Variants in ZC3H7A observed in about 807,000 individuals in gnomAD.
ZC3H7A encodes the protein zinc finger CCCH-type containing 7A, also known as zinc finger CCCH domain-containing protein 7A.
Under a neutral mutation model 125.5 loss-of-function variants are expected in ZC3H7A, and 44 were observed. The ratio of observed to expected loss-of-function variants is 0.35; its 90% CI spans 0.28 to 0.45. ZC3H7A has a LOEUF of 0.45. ZC3H7A is among the 20% of genes least tolerant of loss of function. ZC3H7A has a pLI of 1.00. For synonymous variants in ZC3H7A, 399 were observed against 391.2 expected, an observed-to-expected ratio of 1.02 and a Z score of -0.23; for missense variants, 977 against 1,170.7, an observed-to-expected ratio of 0.83 and a Z score of 2.41.
rs574060624 is a variant in ZC3H7A, at chr16:11,752,483, A to C, written c.2726+186T>G. On this transcript the variant is annotated intron_variant, in intron 22 of 22. Transcript: ENST00000355758. The stretch of plus-strand genomic sequence containing the variant: ...ATTAAATCTTTTCATATAACCTAAG[A>C]AGAGTGAAAGGAATGGTTTGATGAG... 7.9e-5 allele frequency among the ~76,000 whole-genome samples: 12 copies of C among 152,358 alleles called. No homozygotes were observed. The South Asian group carries it at 2.5e-3, about 32-fold the overall frequency.
rs34038330 is a variant in ZC3H7A, at chr16:11,768,520, G to GAA, written c.1174-21_1174-20dup. 92,711 of 1,112,524 alleles carry GAA rather than the reference G, an allele frequency of 0.083. 387 individuals carry two copies. The highest frequency in any genetic ancestry group is 0.16 in the African/African-American group (9,608 of 58,852). 68.9% of individuals were successfully genotyped at this position (1,112,524 alleles called of 1,614,324 possible). ...CATTCATCTGCAAGAAAAATAAGAA[G>GAA]AAAAAAAAAAAAAACAGCCAACAAA... is the stretch of plus-strand genomic sequence containing the variant. On this transcript the variant is annotated intron_variant, in intron 11 of 22. Coordinates refer to ENST00000355758, the MANE Select transcript of ZC3H7A (RefSeq NM_014153.4).
At chr16:11,759,867 C>T (rs2052713394) in intron 19 of ZC3H7A, 1 of 150,522 alleles carries the variant, frequency 6.6e-6, no homozygotes, top group Admixed American at 6.6e-5. Flanking sequence ...AATCCCAACA[C>T]TTTGGGAGGC....
rs775647172 is a variant in ZC3H7A, at chr16:11,770,991, C to T, written c.904-4G>A. On this transcript the variant is annotated splice_region_variant and splice_polypyrimidine_tract_variant and intron_variant, in intron 9 of 22. Transcript: ENST00000355758. ...GTCCTCTGACTAAAGCTGACGGCTG[C>T]GGAAGAAAAAAAGATGTGATTAAAA... The T allele has an allele frequency of 6.3e-6, 10 of 1,581,660 alleles. No homozygotes were observed. Among genetic ancestry groups the T allele is most frequent in the East Asian group, 2.3e-5 (1 of 44,406 alleles).
intron 1 of ZC3H7A, among the ~76,000 whole-genome samples, chr16:11,788,166 C>A (rs1596405047): frequency 1.3e-5 from 2 of 152,116 alleles, no homozygotes; most frequent in African/African-American, 4.8e-5. Context: ...CTCCCAGGGG[C>A]CCCTCCCTTC....
chr16:11,751,895 T>G (rs2052558131), intron 22 of ZC3H7A, among the ~76,000 whole-genome samples: 1 of 147,992 alleles, frequency 6.8e-6, no homozygotes, highest in Non-Finnish European at 1.5e-5. Context: ...AGTTTTTCAC[T>G]GAAAAACCTT....
Position 11,765,784 on chromosome 16 carries a change from GA to G in ZC3H7A, c.1523-100del. The G allele has an allele frequency of 3.3e-6, 4 of 1,215,382 alleles. No homozygotes were observed. The highest frequency in any genetic ancestry group is 4.5e-6 in the Non-Finnish European group (4 of 880,080). The allele number at this position is 1,215,382 out of a possible 1,614,324, so 75.3% of individuals were successfully genotyped here. A position where few individuals can be genotyped will look rare whatever the true frequency, so the allele number is the denominator to read the frequency against. ...AGGTGGGAGGATCCCTTGAGCCCAG[GA>G]GTTCAAGGCTGCGGTGAGCAATGAT... On this transcript the variant is annotated intron_variant, in intron 13 of 22. Coordinates refer to ENST00000355758, the MANE Select transcript of ZC3H7A (RefSeq NM_014153.4). This position sits in a 1 kb window ranked among gnomAD's most constrained non-coding sequence, Gnocchi z 4.8.
In ZC3H7A at chr16:11,769,784, C is replaced by CTTTTTTTTT. The variant is rs200241879; in HGVS notation, c.1109-698_1109-690dup. Among the ~76,000 whole-genome samples, 105 of 61,614 alleles carry CTTTTTTTTT rather than the reference C, an allele frequency of 1.7e-3. 15 individuals carry two copies. The highest frequency in any genetic ancestry group is 4.7e-3 in the African/African-American group (48 of 10,270). The allele number at this position is 61,614 out of a possible 152,430, so 40.4% of individuals were successfully genotyped here. On this transcript the variant is annotated intron_variant, in intron 10 of 22. Coordinates refer to ENST00000355758, the MANE Select transcript of ZC3H7A (RefSeq NM_014153.4). ...AATCAGTAAAGTTTTCAATTGCTTT[C>CTTTTTTTTT]TTTTTTTTTTTTTTTTTTTTTTTGA...
In ZC3H7A at chr16:11,758,520, G is replaced by A; in HGVS notation, c.2339C>T (p.Ser780Phe). Reference sequence around the variant, plus strand: ...TCCAACATATTGACATTTTTTCCCAGAAGCAATATGGTTGCACAGCTGTAT... The same window carrying A: ...TCCAACATATTGACATTTTTTCCCAAAAGCAATATGGTTGCACAGCTGTAT... ...LQFDLCNHIA[S>F]GKKCQYVGNC... The change falls in exon 20 of 23, where the codon TCT becomes TTT. Residue 780 changes from serine (S) to phenylalanine (F), a missense_variant. Coordinates refer to ENST00000355758, the MANE Select transcript of ZC3H7A (RefSeq NM_014153.4). The A allele has an allele frequency of 6.2e-7, 1 of 1,613,258 alleles. No individual in the cohort carries two copies. The highest frequency in any genetic ancestry group is 8.5e-7 in the Non-Finnish European group (1 of 1,179,464).
intron 4 of ZC3H7A, among the ~76,000 whole-genome samples, chr16:11,778,758 G>C (rs1232481289): frequency 6.6e-6 from 1 of 152,022 alleles, no homozygotes; most frequent in Non-Finnish European, 1.5e-5. Context: ...CTGTCGCCCA[G>C]GCTGGAGTGC....
chr16:11,776,699 T>C, intron 5 of ZC3H7A, 52 bp downstream of exon 5: 1 of 1,550,636 alleles, frequency 6.4e-7, no homozygotes, highest in South Asian at 1.2e-5. Flanking sequence ...AAATGCCATT[T>C]ATTATGATGT....
intron 13 of ZC3H7A, 137 bp downstream of exon 13, chr16:11,767,280 C>G: frequency 1.4e-6 from 1 of 709,282 alleles, no homozygotes. Context: ...GTCGGCTACA[C>G]CATCGAGGTT....
intron 9 of ZC3H7A, 53 bp downstream of exon 9, chr16:11,774,183 T>C: frequency 7.0e-7 from 1 of 1,438,730 alleles, no homozygotes; most frequent in South Asian, 1.7e-5. Flanking sequence ...TATTACAATT[T>C]TTAAAAAGTT....
rs552330882 is a variant in ZC3H7A at position 11,781,085 on chromosome 16, A to G, written c.108+340T>C. ...CAGGGCAACTGTGCAAGTATGCAAA[A>G]AAAGAAAAAGAAAAAGAAAAAAAAA... On this transcript the variant is annotated intron_variant, in intron 3 of 22. Coordinates refer to ENST00000355758, the MANE Select transcript of ZC3H7A (RefSeq NM_014153.4). Among the ~76,000 whole-genome samples, 32 of 152,280 alleles carry G rather than the reference A, an allele frequency of 2.1e-4. No individual in the cohort carries two copies. In the South Asian group the frequency reaches 4.1e-3, roughly 20 times the overall value.
At chr16:11,763,809 C>CTT (rs561899308) in intron 15 of ZC3H7A, 150 bp from the exon 16 acceptor site, 12 of 164,156 alleles carry the variant, frequency 7.3e-5, no homozygotes, top group South Asian at 2.0e-4. Context: ...TTTTTTTTCT[C>CTT]TTTTTTTTTT....
chr16:11,762,432 C>T (rs777375953), intron 17 of ZC3H7A, among the ~76,000 whole-genome samples: 5 of 152,056 alleles, frequency 3.3e-5, no homozygotes, highest in Non-Finnish European at 7.4e-5. Flanking sequence ...GTTGTTTTGT[C>T]AATTAAACTA....
intron 21 of ZC3H7A, 170 bp from the exon 22 acceptor site, chr16:11,753,002 AGAG>A: frequency 1.4e-6 from 1 of 710,472 alleles, no homozygotes; most frequent in African/African-American, 1.8e-5. Flanking sequence ...CTCAGGACAC[AGAG>A]AAGAAGGGTG....
chr16:11,795,105 T>C (rs2053415849), intron 1 of ZC3H7A, among the ~76,000 whole-genome samples: 2 of 152,186 alleles, frequency 1.3e-5, no homozygotes, highest in African/African-American at 4.8e-5. Flanking sequence ...TACAACTATT[T>C]GTAGCCTCCA....
intron 21 of ZC3H7A, among the ~76,000 whole-genome samples, chr16:11,754,893 C>CAAAA (rs35345665): frequency 8.3e-4 from 57 of 68,814 alleles, no homozygotes; most frequent in East Asian, 1.2e-3. Flanking sequence ...CTCCGTCTCA[C>CAAAA]AAAAAAAAAA....
chr16:11,793,992 TCTG>T (rs2053393679), intron 1 of ZC3H7A, among the ~76,000 whole-genome samples: 1 of 152,182 alleles, frequency 6.6e-6, no homozygotes, highest in Admixed American at 6.5e-5. Context: ...AGAGCCTCCC[TCTG>T]CGAAGAGGCT....
Sources: gnomAD v4.1 joint callset for allele counts (sites outside exome capture counted in the v4.1 genomes callset) on GRCh38, gnomAD v4.1.1 for gene constraint, Gnocchi (gnomAD v3.1) non-coding constraint, MANE v1.5 for transcripts, NCBI Gene and HGNC (gene_info 2026-07-23, HGNC 2026-07-21) for gene names.